The following MACROD2 variants were observed in gnomAD, a reference collection of about 807,000 sequenced individuals.
MACROD2 encodes ADP-ribose glycohydrolase MACROD2.
MACROD2 carries 36 observed loss-of-function variants against 70.4 expected under a neutral mutation model. That is an observed-to-expected ratio of 0.51 (90% CI 0.39 to 0.68). The LOEUF (loss-of-function observed/expected upper bound fraction) is 0.68. MACROD2 is among the 30% of genes least tolerant of loss of function. The pLI, the probability that MACROD2 is intolerant of heterozygous loss-of-function variation, is 0.00. For synonymous variants in MACROD2, 172 were observed against 178.8 expected (o/e 0.96, Z 0.30); for missense variants, 496 against 538.4 (o/e 0.92, Z 0.78).
intron 6 of MACROD2, among the ~76,000 whole-genome samples, chr20:15,377,884 A>C (rs1425934665): frequency 6.6e-6 from 1 of 152,130 alleles, no homozygotes; most frequent in Non-Finnish European, 1.5e-5. Flanking sequence ...CAGCAAACTA[A>C]CACAGGAACA....
intron 3 of MACROD2, among the ~76,000 whole-genome samples, chr20:14,401,213 A>G (rs1654555967): frequency 6.6e-6 from 1 of 152,212 alleles, no homozygotes; most frequent in African/African-American, 2.4e-5. Context: ...CCATTCCAGT[A>G]GGTTGATTCC....
intron 15 of MACROD2, among the ~76,000 whole-genome samples, chr20:16,025,405 T>G (rs1312296828): frequency 1.3e-5 from 2 of 152,176 alleles, no homozygotes; most frequent in African/African-American, 4.8e-5. Context: ...AGCAAAAGAT[T>G]CTTGACTATG....
At chr20:15,607,921 C>G (rs2048916199) in intron 8 of MACROD2, among the ~76,000 whole-genome samples, 1 of 152,188 alleles carries the variant, frequency 6.6e-6, no homozygotes, top group Non-Finnish European at 1.5e-5. Context: ...TAACTAAAAT[C>G]AATATCCAGA....
chr20:15,519,745 TG>T (rs2047625171), intron 8 of MACROD2, among the ~76,000 whole-genome samples: 1 of 152,186 alleles, frequency 6.6e-6, no homozygotes, highest in African/African-American at 2.4e-5. Context: ...GCTGGAAGAA[TG>T]AGGTAAGAAT....
chr20:14,875,606 C>T (rs1379839627), intron 5 of MACROD2, among the ~76,000 whole-genome samples: 1 of 151,938 alleles, frequency 6.6e-6, no homozygotes, highest in African/African-American at 2.4e-5. Flanking sequence ...GCTTAGTACC[C>T]AATAGGTAGT....
At chr20:15,461,293 G>C (rs1009566641) in intron 7 of MACROD2, among the ~76,000 whole-genome samples, 3 of 152,018 alleles carry the variant, frequency 2.0e-5, no homozygotes, top group Admixed American at 2.0e-4. Flanking sequence ...AAGTAACATT[G>C]TCTAGCTATT....
intron 12 of MACROD2, among the ~76,000 whole-genome samples, chr20:15,949,343 G>A (rs578091321): frequency 6.6e-6 from 1 of 152,176 alleles, no homozygotes; most frequent in Non-Finnish European, 1.5e-5. Context: ...AACTACCCCA[G>A]GTGGCACAGT....
chr20:14,093,747 T>C (rs1330975732), intron 3 of MACROD2, among the ~76,000 whole-genome samples: 1 of 151,208 alleles, frequency 6.6e-6, no homozygotes, highest in Non-Finnish European at 1.5e-5. Flanking sequence ...AAGAACTAGG[T>C]TGAACAGTGG....
chr20:15,437,309 A>G (rs1048123296), intron 7 of MACROD2, among the ~76,000 whole-genome samples: 1 of 152,076 alleles, frequency 6.6e-6, no homozygotes, highest in Non-Finnish European at 1.5e-5. Flanking sequence ...CCACATGTAC[A>G]TGATCTGATG....
At chr20:15,310,469 T>C (rs2077740239) in intron 6 of MACROD2, among the ~76,000 whole-genome samples, 1 of 152,138 alleles carries the variant, frequency 6.6e-6, no homozygotes. Flanking sequence ...CTGCCAATCA[T>C]GGCTAAGTGT....
intron 8 of MACROD2, among the ~76,000 whole-genome samples, chr20:15,613,986 A>T (rs2049004353): frequency 6.6e-6 from 1 of 152,202 alleles, no homozygotes; most frequent in Non-Finnish European, 1.5e-5. Flanking sequence ...TGAATGAGAG[A>T]TGGGAAGAAG....
At chr20:14,670,132 A>G (rs188323070) in intron 4 of MACROD2, among the ~76,000 whole-genome samples, 3 of 152,212 alleles carry the variant, frequency 2.0e-5, no homozygotes, top group East Asian at 3.9e-4. Flanking sequence ...GATGTCTTCA[A>G]TTTAATAACA....
chr20:14,668,025 A>G (rs376535860), intron 4 of MACROD2, among the ~76,000 whole-genome samples: 7 of 152,072 alleles, frequency 4.6e-5, no homozygotes, highest in African/African-American at 1.7e-4. Flanking sequence ...GTGCCCTCCT[A>G]TAGTCCTAGC....
intron 8 of MACROD2, among the ~76,000 whole-genome samples, chr20:15,646,994 T>C (rs1325401410): frequency 6.6e-6 from 1 of 152,264 alleles, no homozygotes; most frequent in African/African-American, 2.4e-5. Flanking sequence ...CTGTGTGTCC[T>C]TCACCTGACC....
At chr20:15,954,297 C>T (rs907600355) in intron 12 of MACROD2, among the ~76,000 whole-genome samples, 1 of 152,156 alleles carries the variant, frequency 6.6e-6, no homozygotes, top group Non-Finnish European at 1.5e-5. Flanking sequence ...GCAGACTTTC[C>T]CTGTCTCTCC....
intron 15 of MACROD2, among the ~76,000 whole-genome samples, chr20:16,011,066 G>A (rs900941956): frequency 4.6e-5 from 7 of 152,208 alleles, no homozygotes; most frequent in African/African-American, 1.7e-4. Context: ...GATGATTTGG[G>A]TCAACCTGTG....
intron 10 of MACROD2, among the ~76,000 whole-genome samples, chr20:15,915,009 T>G (rs776330463): frequency 1.3e-5 from 2 of 152,084 alleles, no homozygotes; most frequent in Non-Finnish European, 2.9e-5. Context: ...TCTGGAAGGG[T>G]CCCAAGCGCG....
chr20:14,895,855 A>G (rs1261415011), intron 5 of MACROD2, among the ~76,000 whole-genome samples: 5 of 152,140 alleles, frequency 3.3e-5, no homozygotes, highest in Non-Finnish European at 7.4e-5. Flanking sequence ...TAGGATAATA[A>G]CCTTGGATGA....
chr20:14,222,250 A>G (rs771142545), intron 3 of MACROD2, among the ~76,000 whole-genome samples: 3 of 152,230 alleles, frequency 2.0e-5, no homozygotes, highest in Non-Finnish European at 2.9e-5. Context: ...GTCCATTAAC[A>G]TATGATTTAA....
Sources: gnomAD v4.1 joint callset for allele counts (sites outside exome capture counted in the v4.1 genomes callset) on GRCh38, gnomAD v4.1.1 for gene constraint, MANE v1.5 for transcripts, NCBI Gene and HGNC (gene_info 2026-07-23, HGNC 2026-07-21) for gene names.